AGMO: variants seen among roughly 807,000 people sequenced by gnomAD.
The protein encoded by AGMO is glyceryl-ether monooxygenase.
AGMO carries 75 observed loss-of-function variants against 60.2 expected under a neutral mutation model. That is an observed-to-expected ratio of 1.25 (90% CI 1.03 to 1.51). AGMO has a LOEUF of 1.51. AGMO is among the 40% of genes most tolerant of loss of function. The pLI, the probability that AGMO is intolerant of heterozygous loss-of-function variation, is 0.00. For missense variants in AGMO, 763 were observed against 525.5 expected (o/e 1.45, Z -4.42); for synonymous variants, 261 against 177.1 (o/e 1.47, Z -3.76).
At chr7:15,546,367 C>T (rs554330313) in intron 2 of AGMO, among the ~76,000 whole-genome samples, 2 of 152,106 alleles carry the variant, frequency 1.3e-5, no homozygotes, top group Non-Finnish European at 2.9e-5. Context: ...CAGTTTTGTC[C>T]GTGAGTTCAA....
intron 12 of AGMO, among the ~76,000 whole-genome samples, chr7:15,265,113 T>A (rs1337205774): frequency 6.6e-6 from 1 of 152,104 alleles, no homozygotes; most frequent in East Asian, 1.9e-4. Context: ...TAAAAAAGAA[T>A]GAAATCATGT....
At chr7:15,287,919 A>C (rs1033516047) in intron 12 of AGMO, among the ~76,000 whole-genome samples, 2 of 152,196 alleles carry the variant, frequency 1.3e-5, no homozygotes, top group African/African-American at 4.8e-5. Flanking sequence ...TGTAGCCATA[A>C]TTTTTATTTT....
rs1379820619 is a variant in AGMO at position 15,495,171 on chromosome 7, C to T, written c.409+49601G>A. 5.3e-5 allele frequency among the ~76,000 whole-genome samples: 8 copies of T among 152,118 alleles called. No individual in the cohort carries two copies. In the South Asian group the frequency reaches 1.2e-3, roughly 24 times the overall value. On this transcript the variant is annotated intron_variant, in intron 3 of 12. Coordinates refer to ENST00000342526, the MANE Select transcript of AGMO (RefSeq NM_001004320.2). ...TTGCTAATACATGTTTGCTTTATAA[C>T]GTTTTGCCTGGTGCTTCAAAATATT...
intron 3 of AGMO, among the ~76,000 whole-genome samples, chr7:15,482,887 G>T (rs935406524): frequency 6.6e-6 from 1 of 152,128 alleles, no homozygotes; most frequent in Non-Finnish European, 1.5e-5. Flanking sequence ...AATAATATAA[G>T]CATGTCAATA....
intron 12 of AGMO, among the ~76,000 whole-genome samples, chr7:15,304,293 T>C (rs1780545259): frequency 6.6e-6 from 1 of 152,126 alleles, no homozygotes. Context: ...GCTCTCTCGA[T>C]CCCCTCAACT....
chr7:15,400,598 C>T (rs1784526355), intron 5 of AGMO, among the ~76,000 whole-genome samples: 2 of 152,000 alleles, frequency 1.3e-5, no homozygotes, highest in African/African-American at 4.8e-5. Flanking sequence ...TTACCAGGAC[C>T]AAAGGCAAAG....
rs1480580896 is a variant in AGMO, at chr7:15,452,930, A to G, written c.410-21822T>C. On this transcript the variant is annotated intron_variant, in intron 3 of 12. Transcript: ENST00000342526. ...AAGTGATACATGTGCAGTGTGAATG[A>G]ACTTGGAAATGTTATAGTAAGTGAA... Among the ~76,000 whole-genome samples the G allele has an allele frequency of 2.6e-5, 4 of 152,240 alleles. No individual in the cohort carries two copies. The East Asian group carries it at 7.7e-4, about 29-fold the overall frequency.
At chr7:15,321,513 G>A (rs1183816829) in intron 12 of AGMO, among the ~76,000 whole-genome samples, 2 of 152,066 alleles carry the variant, frequency 1.3e-5, no homozygotes, top group Admixed American at 6.6e-5. Context: ...TCTTGAGAAT[G>A]TTTTTGAGGG....
chr7:15,234,676 C>G (rs1563047647), intron 12 of AGMO, among the ~76,000 whole-genome samples: 1 of 152,172 alleles, frequency 6.6e-6, no homozygotes, highest in East Asian at 1.9e-4. Context: ...TTGGTCACAA[C>G]TACTCAACTA....
intron 12 of AGMO, among the ~76,000 whole-genome samples, chr7:15,309,290 A>AT (rs1249609799): frequency 6.6e-6 from 1 of 152,142 alleles, no homozygotes; most frequent in African/African-American, 2.4e-5. Flanking sequence ...TTTTTTTTCC[A>AT]TAGGAGTACA....
chr7:15,387,472 G>T lies in AGMO; in HGVS notation c.891C>A (p.Val297=). ...ATPGFFNKFS[V]IFKGPGWGPG... ...GACCCCATCCCGGTCCCTTAAATAT[G>T]ACAGAAAACTTATTGAAGAATCCAG... The change falls in exon 9 of 13, where the codon GTC becomes GTA. Residue 297 remains valine, a synonymous_variant. Transcript: ENST00000342526. The T allele has an allele frequency of 1.2e-6, 2 of 1,613,916 alleles. No individual in the cohort carries two copies. Among genetic ancestry groups the T allele is most frequent in the Non-Finnish European group, 1.7e-6 (2 of 1,179,920 alleles).
At chr7:15,117,543 G>A in the AGMO span, among the ~76,000 whole-genome samples, 21 of 151,852 alleles carry the variant, frequency 1.4e-4, no homozygotes, top group Non-Finnish European at 8.8e-5. Flanking sequence ...GGAGGGGAGT[G>A]AGGGTTGAAA....
chr7:15,118,596 C>T, the AGMO span, among the ~76,000 whole-genome samples: 1 of 152,080 alleles, frequency 6.6e-6, no homozygotes, highest in African/African-American at 2.4e-5. Flanking sequence ...TTTCTAATAT[C>T]TTCCGTGTAG....
chr7:15,527,295 A>C (rs1403797843), intron 3 of AGMO, among the ~76,000 whole-genome samples: 1 of 152,236 alleles, frequency 6.6e-6, no homozygotes, highest in East Asian at 1.9e-4. Flanking sequence ...TCCAGTGAAC[A>C]TATGAATGAT....
rs866494633 is a variant in AGMO, at chr7:15,531,291, A to C, written c.409+13481T>G. Among the ~76,000 whole-genome samples the C allele has an allele frequency of 1.6e-3, 148 of 90,058 alleles. 2 individuals carry two copies. Among genetic ancestry groups the C allele is most frequent in the African/African-American group, 7.1e-3 (145 of 20,558 alleles). The allele number at this position is 90,058 out of a possible 152,430, so 59.1% of individuals were successfully genotyped here. ...ATATTCTCTATATACATATTCTCTA[A>C]AAATATTCTCTATATATATTCTATA... On this transcript the variant is annotated intron_variant, in intron 3 of 12. Coordinates refer to ENST00000342526, the MANE Select transcript of AGMO (RefSeq NM_001004320.2).
chr7:15,135,865 T>G, the AGMO span, among the ~76,000 whole-genome samples: 1 of 151,920 alleles, frequency 6.6e-6, no homozygotes, highest in Non-Finnish European at 1.5e-5. Context: ...GCTGTCTTTC[T>G]TCAAATACTT....
chr7:15,415,793 A>C (rs1184746436), intron 5 of AGMO, among the ~76,000 whole-genome samples: 2 of 152,178 alleles, frequency 1.3e-5, no homozygotes, highest in Non-Finnish European at 2.9e-5. Context: ...CCACAGTTTT[A>C]AGTTAAAAAC....
intron 12 of AGMO, among the ~76,000 whole-genome samples, chr7:15,322,713 TA>T (rs1288745907): frequency 2.3e-5 from 1 of 43,582 alleles, no homozygotes; most frequent in Non-Finnish European, 3.7e-5. Flanking sequence ...TAAATATATA[TA>T]AATATATAAA....
At chr7:15,228,937 G>A (rs1198377180) in intron 12 of AGMO, among the ~76,000 whole-genome samples, 1 of 152,080 alleles carries the variant, frequency 6.6e-6, no homozygotes, top group South Asian at 2.1e-4. Flanking sequence ...CGACTGCCAG[G>A]AAAAGGGGTT....
Sources: allele counts gnomAD v4.1 joint callset (sites outside exome capture counted in the v4.1 genomes callset), GRCh38; gene constraint gnomAD v4.1.1; transcripts MANE v1.5; gene names NCBI Gene and HGNC (gene_info 2026-07-23, HGNC 2026-07-21).